Variants in PKNOX1 observed in about 807,000 individuals in gnomAD.
PKNOX1 encodes the protein PBX/knotted 1 homeobox 1, also known as homeobox protein PKNOX1.
A neutral mutation model predicts 51.9 loss-of-function variants in PKNOX1; 15 were observed. The observed-to-expected ratio is 0.29, with a 90% CI of 0.19 to 0.45. PKNOX1 has a LOEUF of 0.45. PKNOX1 is among the 20% of genes least tolerant of loss of function. The probability of loss-of-function intolerance (pLI) is 1.00; values close to 1 mark genes in which losing one functional copy is unlikely to be tolerated. For missense variants in PKNOX1, 462 were observed against 547.5 expected (o/e 0.84, Z 1.56); for synonymous variants, 219 against 211.1 (o/e 1.04, Z -0.32).
chr21:42,993,650 GTTTTTTTTGT>G (rs755706019), intron 1 of PKNOX1, among the ~76,000 whole-genome samples: 5,111 of 19,864 alleles, frequency 0.26, 159 homozygotes, highest in Non-Finnish European at 0.32. Flanking sequence ...TACCCACTTT[GTTTTTTTTGT>G]TTTTTTTTTT....
chr21:43,028,748 A>C lies in PKNOX1; in HGVS notation c.973A>C (p.Ser325Arg). Residue 325 changes from serine (S) to arginine (R), a missense_variant, in exon 10 of 11, where the codon AGT becomes CGT. Ser to Arg is a moderately radical substitution (Grantham distance 110). Transcript: ENST00000291547. Reference protein sequence around the residue: ...RRILQPMLDSSCSETPKTKKK... With the variant: ...RRILQPMLDSRCSETPKTKKK... Reference sequence around the variant, plus strand: ...AATTCTTCAGCCAATGTTGGATTCAAGTTGTTCAGAGACCCCCAAAACAAA... The same window carrying C: ...AATTCTTCAGCCAATGTTGGATTCACGTTGTTCAGAGACCCCCAAAACAAA... The C allele has an allele frequency of 1.2e-6, 2 of 1,614,176 alleles. No homozygotes were observed. The highest frequency in any genetic ancestry group is 2.2e-5 in the South Asian group (2 of 91,088).
At chr21:42,975,330 G>A (rs2058989322) in intron 1 of PKNOX1, among the ~76,000 whole-genome samples, 1 of 151,114 alleles carries the variant, frequency 6.6e-6, no homozygotes, top group East Asian at 2.0e-4. Context: ...CCCTCAGCCG[G>A]GCGCCGGCGC....
chr21:43,027,735 T>C (rs929245423), intron 9 of PKNOX1, among the ~76,000 whole-genome samples: 7 of 142,114 alleles, frequency 4.9e-5, no homozygotes, highest in Non-Finnish European at 1.1e-4. Context: ...TTGGCCAACA[T>C]GGTGTAACCC....
chr21:43,004,581 A>AG (rs936401066), intron 2 of PKNOX1, 149 bp downstream of exon 2: 8 of 624,668 alleles, frequency 1.3e-5, no homozygotes, highest in Non-Finnish European at 2.3e-5. Context: ...CGTGTTCAGA[A>AG]AAAAAGCCAT....
intron 1 of PKNOX1, among the ~76,000 whole-genome samples, chr21:42,985,972 G>T (rs1031907615): frequency 7.0e-6 from 1 of 143,692 alleles, no homozygotes; most frequent in Admixed American, 7.3e-5. Flanking sequence ...TTGCAGTCTA[G>T]CCTGGGCAAC....
intron 6 of PKNOX1, chr21:43,017,765 C>A: frequency 5.5e-6 from 1 of 182,020 alleles, no homozygotes; most frequent in South Asian, 1.1e-4. Flanking sequence ...GCCCACCCAC[C>A]TGCCCACCCA....
At chr21:43,008,275 A>G (rs1252051306) in intron 3 of PKNOX1, among the ~76,000 whole-genome samples, 2 of 152,198 alleles carry the variant, frequency 1.3e-5, no homozygotes, top group Non-Finnish European at 2.9e-5. Context: ...GGAGGAGTGA[A>G]TGCTTCCCAA....
rs762614896 is a variant in PKNOX1 at position 43,010,151 on chromosome 21, T to C, written c.278T>C (p.Ile93Thr). 1.3e-5 allele frequency: 21 copies of C among 1,606,332 alleles called. No individual in the cohort carries two copies. Among genetic ancestry groups the C allele is most frequent in the Non-Finnish European group, 1.8e-5 (21 of 1,175,392 alleles). Residue 93 changes from isoleucine to threonine, a missense_variant, in exon 4 of 11, where the codon ATC becomes ACC. This residue lies in a region of PKNOX1 where 129 missense variants were observed against 133.4 expected (regional missense o/e 0.97). Transcript: ENST00000291547. Reference protein sequence around the residue: ...GTTSASFDVDIENFVRKQEKE... With the variant: ...GTTSASFDVDTENFVRKQEKE... ...ACTTCTGCCAGTTTTGATGTAGACATCGAAAATTTTGTAAGAAAGCAAGAG... is the reference window on the plus strand; with the variant it reads ...ACTTCTGCCAGTTTTGATGTAGACACCGAAAATTTTGTAAGAAAGCAAGAG...
At chr21:43,011,844 C>T (rs1338768185) in intron 4 of PKNOX1, among the ~76,000 whole-genome samples, 1 of 152,236 alleles carries the variant, frequency 6.6e-6, no homozygotes, top group Non-Finnish European at 1.5e-5. Flanking sequence ...GTCTCCTCCT[C>T]TCTGAGATGA....
At chr21:42,990,259 AAATG>A (rs2059079781) in intron 1 of PKNOX1, among the ~76,000 whole-genome samples, 1 of 152,064 alleles carries the variant, frequency 6.6e-6, no homozygotes, top group South Asian at 2.1e-4. Context: ...ACTCCGTCAT[AAATG>A]AATAAATAAA....
At chr21:42,980,752 A>T (rs2146220478) in intron 1 of PKNOX1, among the ~76,000 whole-genome samples, 1 of 152,064 alleles carries the variant, frequency 6.6e-6, no homozygotes, top group Non-Finnish European at 1.5e-5. Flanking sequence ...TTCATTTGGG[A>T]GTAGTGACGA....
intron 1 of PKNOX1, among the ~76,000 whole-genome samples, chr21:42,987,404 A>AAAAAATATAT: frequency 9.7e-5 from 4 of 41,412 alleles, no homozygotes; most frequent in African/African-American, 1.9e-4. Context: ...AAAAAAAAAA[A>AAAAAATATAT]ATATATATAT....
chr21:43,002,361 T>C (rs1235641789), intron 1 of PKNOX1, among the ~76,000 whole-genome samples: 1 of 152,060 alleles, frequency 6.6e-6, no homozygotes, highest in East Asian at 1.9e-4. Flanking sequence ...GCCCCACTCT[T>C]GTACCCATTG....
intron 1 of PKNOX1, among the ~76,000 whole-genome samples, chr21:42,982,820 T>TC (rs1222002191): frequency 1.3e-5 from 2 of 151,958 alleles, no homozygotes; most frequent in Non-Finnish European, 2.9e-5. Context: ...TACTTTTTTT[T>TC]CCCCCACGAA....
intron 2 of PKNOX1, among the ~76,000 whole-genome samples, chr21:43,005,015 T>G (rs1978927065): frequency 6.6e-6 from 1 of 152,228 alleles, no homozygotes; most frequent in African/African-American, 2.4e-5. Flanking sequence ...TCTGAGTGTT[T>G]TGTGTTCTGT....
intron 5 of PKNOX1, among the ~76,000 whole-genome samples, chr21:43,015,510 C>T (rs1979450198): frequency 6.6e-6 from 1 of 152,150 alleles, no homozygotes; most frequent in African/African-American, 2.4e-5. Context: ...GCATTTTTGT[C>T]TATATTTGTA....
At chr21:43,007,823 G>A in intron 3 of PKNOX1, 1 of 479,838 alleles carries the variant, frequency 2.1e-6, no homozygotes, top group South Asian at 2.4e-5. Context: ...TAGCACTTTG[G>A]GAGGCTGAGG....
chr21:43,004,406 A>G lies in PKNOX1; in HGVS notation c.25A>G (p.Ile9Val), dbSNP rs1015403897. MMATQTLS[I>V]DSYQDGQQMQ... ...CATGATGGCTACACAGACATTAAGT[A>G]TAGACAGCTATCAAGATGGGCAACA... Residue 9 changes from isoleucine to valine, a missense_variant, in exon 2 of 11, where the codon ATA becomes GTA. Physicochemically the swap from Ile to Val is conservative, Grantham distance 29. This residue lies in a region of PKNOX1 where 129 missense variants were observed against 133.4 expected (regional missense o/e 0.97). Coordinates refer to ENST00000291547, the MANE Select transcript of PKNOX1 (RefSeq NM_004571.5). 1.2e-6 allele frequency: 2 copies of G among 1,609,262 alleles called. No individual in the cohort carries two copies. Among genetic ancestry groups the G allele is most frequent in the African/African-American group, 1.3e-5 (1 of 74,828 alleles).
chr21:43,016,522 A>G (rs1701440401), intron 5 of PKNOX1, among the ~76,000 whole-genome samples: 1 of 152,218 alleles, frequency 6.6e-6, no homozygotes, highest in Admixed American at 6.5e-5. Context: ...CTTATCGGTC[A>G]GGGAGAGCTT....
Sources: gnomAD v4.1 joint callset for allele counts (sites outside exome capture counted in the v4.1 genomes callset) on GRCh38, gnomAD v4.1.1 for gene constraint, gnomAD v4.1.1 regional missense constraint, MANE v1.5 for transcripts, NCBI Gene and HGNC (gene_info 2026-07-23, HGNC 2026-07-21) for gene names.